Variants in NRG2 observed in about 807,000 individuals in gnomAD.
The protein encoded by NRG2 is neuregulin 2.
Under a neutral mutation model 73.9 loss-of-function variants are expected in NRG2, and 27 were observed. The ratio of observed to expected loss-of-function variants is 0.37; its 90% CI spans 0.27 to 0.50. The LOEUF (loss-of-function observed/expected upper bound fraction) is 0.50, where lower values mean the gene tolerates loss of function less well. Among genes scored for constraint, NRG2 ranks in the 20% least tolerant of loss-of-function variants. The pLI is 0.96. For missense variants in NRG2, 1,126 were observed against 1,210.1 expected (o/e 0.93, Z 1.03); for synonymous variants, 532 against 541.0 (o/e 0.98, Z 0.23).
chr5:139,973,229 A>C (rs1177910621), intron 1 of NRG2, among the ~76,000 whole-genome samples: 3 of 151,796 alleles, frequency 2.0e-5, no homozygotes, highest in East Asian at 3.8e-4. Flanking sequence ...AATAAACTAA[A>C]TTTCTAATAA....
At chr5:140,028,896 C>T (rs1177365451) in intron 1 of NRG2, among the ~76,000 whole-genome samples, 1 of 152,106 alleles carries the variant, frequency 6.6e-6, no homozygotes, top group Non-Finnish European at 1.5e-5. Flanking sequence ...TCTTGGGATG[C>T]TTATTCCTGG....
intron 1 of NRG2, among the ~76,000 whole-genome samples, chr5:139,943,009 T>A (rs1753517013): frequency 6.6e-6 from 1 of 152,130 alleles, no homozygotes; most frequent in Non-Finnish European, 1.5e-5. Context: ...CCTGGCTAGT[T>A]TTTGTATTTT....
chr5:139,997,778 A>T (rs1314548704), intron 1 of NRG2, among the ~76,000 whole-genome samples: 1 of 152,200 alleles, frequency 6.6e-6, no homozygotes, highest in African/African-American at 2.4e-5. Context: ...GCTTATCAAG[A>T]AGGTAGAACT....
At chr5:139,909,862 A>G (rs995896918) in intron 1 of NRG2, among the ~76,000 whole-genome samples, 3 of 152,178 alleles carry the variant, frequency 2.0e-5, no homozygotes, top group African/African-American at 7.2e-5. Context: ...AGGCCTGGAG[A>G]GCCCCCTAAT....
chr5:139,995,250 C>G (rs916024347), intron 1 of NRG2, among the ~76,000 whole-genome samples: 2 of 152,178 alleles, frequency 1.3e-5, no homozygotes, highest in East Asian at 3.9e-4. Flanking sequence ...CCCTGCCCCC[C>G]ATCACTAACG....
intron 5 of NRG2, among the ~76,000 whole-genome samples, chr5:139,863,487 C>T (rs1421308999): frequency 6.6e-6 from 1 of 152,244 alleles, no homozygotes; most frequent in African/African-American, 2.4e-5. Context: ...AGGCTGAAAG[C>T]TGAAGCAGCC....
rs1173449048 is a variant in NRG2 at position 139,848,146 on chromosome 5, G to A, written c.2324C>T (p.Ser775Leu). Residue 775 changes from serine (S) to leucine (L), a missense_variant, in exon 10 of 10, where the codon TCG becomes TTG. Ser to Leu is a moderately radical substitution (Grantham distance 145). Transcript: ENST00000361474. ...LSSGSGGGSA[S>L]ASDDDADDAD... is the part of the protein sequence containing the mutation. ...GTCGTCCGCGTCGTCGTCCGACGCC[G>A]AGGCTGAGCCGCCGCCCGAGCCGCT... 5 of 1,455,784 alleles carry A rather than the reference G, an allele frequency of 3.4e-6. No homozygotes were observed. The highest frequency in any genetic ancestry group is 3.6e-6 in the Non-Finnish European group (4 of 1,111,130). 90.2% of individuals were successfully genotyped at this position (1,455,784 alleles called of 1,614,324 possible). A position where few individuals can be genotyped will look rare whatever the true frequency, so the allele number is the denominator to read the frequency against.
chr5:139,979,308 C>T (rs928389376), intron 1 of NRG2, among the ~76,000 whole-genome samples: 2 of 152,202 alleles, frequency 1.3e-5, no homozygotes, highest in Non-Finnish European at 1.5e-5. Flanking sequence ...TCTACCACTT[C>T]ACAACTCTTT....
In NRG2 at chr5:139,852,574, G is replaced by A; in HGVS notation, c.1417-15C>T. ...TTGGAAATATACTGGAACAGACAGA[G>A]TTGGGCGAGAGTTAGTGACTGGGGC... On this transcript the variant is annotated splice_polypyrimidine_tract_variant and intron_variant, in intron 7 of 9. Coordinates refer to ENST00000361474, the MANE Select transcript of NRG2 (RefSeq NM_004883.3). This position sits in a 1 kb window ranked among gnomAD's most constrained non-coding sequence, Gnocchi z 4.4. 2 of 1,612,086 alleles carry A rather than the reference G, an allele frequency of 1.2e-6. No individual in the cohort carries two copies. Among genetic ancestry groups the A allele is most frequent in the Non-Finnish European group, 1.7e-6 (2 of 1,178,898 alleles).
intron 1 of NRG2, among the ~76,000 whole-genome samples, chr5:139,906,236 G>A (rs1401254510): frequency 6.6e-6 from 1 of 152,078 alleles, no homozygotes; most frequent in Non-Finnish European, 1.5e-5. Context: ...TCGAACTCCT[G>A]ACCTCCTGAT....
intron 1 of NRG2, among the ~76,000 whole-genome samples, chr5:139,911,173 C>T (rs369623806): frequency 1.2e-4 from 19 of 152,066 alleles, no homozygotes; most frequent in African/African-American, 4.6e-4. Context: ...AGCATGTGAA[C>T]AAGAGGACAA....
rs534800943 is a variant in NRG2, at chr5:139,851,373, G to C, written c.1772+231C>G. ...GTGTCCTGGGAGGACAATTAAATTA[G>C]ATGGTCACTGTCCACCAGGGTCCAC... On this transcript the variant is annotated intron_variant, in intron 9 of 9. Transcript: ENST00000361474. The surrounding 1 kb of genome is among the most constrained non-coding windows in gnomAD (Gnocchi z 4.2). Among the ~76,000 whole-genome samples the C allele has an allele frequency of 6.6e-5, 10 of 152,340 alleles. No homozygotes were observed. The highest frequency in any genetic ancestry group is 1.3e-4 in the Admixed American group (2 of 15,310).
rs1475033456 is a variant in NRG2, at chr5:139,868,139, G to A, written c.1113-2514C>T. Among the ~76,000 whole-genome samples, 1 of 152,046 alleles carries A rather than the reference G, an allele frequency of 6.6e-6. No individual in the cohort carries two copies. The highest frequency in any genetic ancestry group is 2.4e-5 in the African/African-American group (1 of 41,374). ...CACTGGGGAGGGGCACAGTGGGGGT[G>A]GTGGAAGGCTGACAGCTACTGCTGT... On this transcript the variant is annotated intron_variant, in intron 4 of 9. Transcript: ENST00000361474. The surrounding 1 kb of genome is among the most constrained non-coding windows in gnomAD (Gnocchi z 4.2).
intron 1 of NRG2, among the ~76,000 whole-genome samples, chr5:139,893,273 C>A (rs1457294379): frequency 1.3e-5 from 2 of 152,162 alleles, no homozygotes; most frequent in Admixed American, 1.3e-4. Context: ...TAGGTTGTCT[C>A]CAACGTTCTG....
intron 1 of NRG2, among the ~76,000 whole-genome samples, chr5:139,944,034 C>T (rs975148724): frequency 2.6e-5 from 4 of 151,916 alleles, no homozygotes; most frequent in African/African-American, 9.7e-5. Context: ...CTCAACTATA[C>T]TCATTTGTAG....
chr5:139,944,805 T>C (rs1753683295), intron 1 of NRG2, among the ~76,000 whole-genome samples: 1 of 152,206 alleles, frequency 6.6e-6, no homozygotes, highest in Admixed American at 6.5e-5. Flanking sequence ...GGTAGTTCTA[T>C]TTGTATTGTT....
chr5:139,936,457 G>T (rs1735926850), intron 1 of NRG2, among the ~76,000 whole-genome samples: 2 of 152,228 alleles, frequency 1.3e-5, no homozygotes, highest in South Asian at 4.1e-4. Flanking sequence ...CACTCAAAAA[G>T]CAGTGGATAA....
intron 1 of NRG2, among the ~76,000 whole-genome samples, chr5:139,910,835 A>G (rs2127193982): frequency 6.6e-6 from 1 of 152,112 alleles, no homozygotes; most frequent in African/African-American, 2.4e-5. Context: ...AGCCCACCCA[A>G]TCCCAAACCC....
chr5:139,967,974 AAAATAAATAAAT>A (rs58017535), intron 1 of NRG2, among the ~76,000 whole-genome samples: 171 of 144,502 alleles, frequency 1.2e-3, no homozygotes, highest in African/African-American at 2.8e-3. Context: ...ATAAAACATA[AAAATAAATAAAT>A]AAATAAATAA....
Sources: gnomAD v4.1 joint callset for allele counts (sites outside exome capture counted in the v4.1 genomes callset) on GRCh38, gnomAD v4.1.1 for gene constraint, Gnocchi (gnomAD v3.1) non-coding constraint, MANE v1.5 for transcripts, NCBI Gene and HGNC (gene_info 2026-07-23, HGNC 2026-07-21) for gene names.